Variants in TRDN observed in about 807,000 individuals in gnomAD.
The protein encoded by TRDN is triadin in skeletal muscle.
In TRDN, 161 loss-of-function variants were observed where a neutral mutation model predicts 149.7. The observed-to-expected ratio is 1.08, with a 90% CI of 0.95 to 1.23. TRDN has a LOEUF of 1.23. TRDN is among the 50% of genes most tolerant of loss of function. The probability of loss-of-function intolerance (pLI) is 0.00; values close to 1 mark genes in which losing one functional copy is unlikely to be tolerated. For synonymous variants in TRDN, 294 were observed against 250.5 expected, an observed-to-expected ratio of 1.17 and a Z score of -1.64; for missense variants, 896 against 823.5, an observed-to-expected ratio of 1.09 and a Z score of -1.08.
rs1562265333 is a variant in TRDN, at chr6:123,331,868, T to C, written c.1471+11A>G. Reference sequence around the variant, plus strand: ...ATCAATGTGGCTTCACATTTCATTGTATAATATTACCTTTTTCCTTTAGGG... The same window carrying C: ...ATCAATGTGGCTTCACATTTCATTGCATAATATTACCTTTTTCCTTTAGGG... On this transcript the variant is annotated intron_variant, in intron 23 of 40. Coordinates refer to ENST00000334268, the MANE Select transcript of TRDN (RefSeq NM_006073.4). The C allele has an allele frequency of 1.3e-6, 2 of 1,523,516 alleles. No individual in the cohort carries two copies. Among genetic ancestry groups the C allele is most frequent in the Non-Finnish European group, 1.8e-6 (2 of 1,129,700 alleles). 94.4% of individuals were successfully genotyped at this position (1,523,516 alleles called of 1,614,324 possible).
chr6:123,298,017 T>C (rs1257656512), intron 24 of TRDN, among the ~76,000 whole-genome samples: 1 of 152,052 alleles, frequency 6.6e-6, no homozygotes, highest in Non-Finnish European at 1.5e-5. Flanking sequence ...AACTTCATCA[T>C]AGGCTTGAAA....
At chr6:123,528,136 T>C (rs12199935) in intron 5 of TRDN, among the ~76,000 whole-genome samples, 66,743 of 151,812 alleles carry the variant, frequency 0.44, 15,095 homozygotes, top group Admixed American at 0.52. Context: ...TGGTTGCCTA[T>C]AAAAGTATCT....
chr6:123,279,322 C>T (rs778328155), intron 24 of TRDN, among the ~76,000 whole-genome samples: 2 of 152,042 alleles, frequency 1.3e-5, no homozygotes, highest in Non-Finnish European at 2.9e-5. Context: ...GCCATATAGT[C>T]TCTCACAATT....
chr6:123,278,440 C>G (rs1041242343), intron 25 of TRDN, 93 bp from the exon 26 acceptor site: 2 of 799,822 alleles, frequency 2.5e-6, no homozygotes, highest in Admixed American at 9.4e-5. Flanking sequence ...TAATTATTTT[C>G]TATGTTATTC....
chr6:123,405,531 T>C (rs939929470), intron 12 of TRDN, among the ~76,000 whole-genome samples: 1 of 152,218 alleles, frequency 6.6e-6, no homozygotes, highest in Non-Finnish European at 1.5e-5. Context: ...TTCTGTGGAT[T>C]ACATTTTTGA....
chr6:123,391,347 A>C (rs1782106800), intron 13 of TRDN, among the ~76,000 whole-genome samples: 1 of 152,076 alleles, frequency 6.6e-6, no homozygotes, highest in Non-Finnish European at 1.5e-5. Flanking sequence ...CCCAGTTTCC[A>C]AAGCTCAGTA....
intron 24 of TRDN, among the ~76,000 whole-genome samples, chr6:123,316,040 T>C (rs2114698667): frequency 6.6e-6 from 1 of 152,030 alleles, no homozygotes; most frequent in African/African-American, 2.4e-5. Context: ...ATCAAAATGG[T>C]TGAAAGTAGG....
chr6:123,244,082 A>G (rs1776087837), intron 38 of TRDN, among the ~76,000 whole-genome samples: 1 of 152,194 alleles, frequency 6.6e-6, no homozygotes, highest in African/African-American at 2.4e-5. Context: ...CAAAAACCCC[A>G]TCCAAAGGTC....
rs1022708697 is a variant in TRDN, at chr6:123,230,909, T to G, written c.1976-6778A>C. Among the ~76,000 whole-genome samples the G allele has an allele frequency of 4.6e-5, 7 of 152,154 alleles. No individual in the cohort carries two copies. In the East Asian group the frequency reaches 1.4e-3, roughly 30 times the overall value. ...AGAACTACAATGAGATATTTTTCTGTGCCAGGTATGCTACTAGGTACTAGA... is the reference window on the plus strand; with the variant it reads ...AGAACTACAATGAGATATTTTTCTGGGCCAGGTATGCTACTAGGTACTAGA... On this transcript the variant is annotated intron_variant, in intron 38 of 40. Coordinates refer to ENST00000334268, the MANE Select transcript of TRDN (RefSeq NM_006073.4).
rs76793031 is a variant in TRDN at position 123,322,174 on chromosome 6, G to A, written c.1472-5679C>T. Among the ~76,000 whole-genome samples, 729 of 152,236 alleles carry A rather than the reference G, an allele frequency of 4.8e-3. 9 individuals carry two copies. Among genetic ancestry groups the A allele is most frequent in the African/African-American group, 0.017 (689 of 41,546 alleles). On this transcript the variant is annotated intron_variant, in intron 23 of 40. Transcript: ENST00000334268. ...TTAGTATCATCTTTGCTCATGAACT[G>A]AGGAATCCTTCCATGCATAATGAAG...
intron 24 of TRDN, among the ~76,000 whole-genome samples, chr6:123,304,863 A>G (rs1446890180): frequency 6.6e-6 from 1 of 152,180 alleles, no homozygotes; most frequent in Non-Finnish European, 1.5e-5. Flanking sequence ...TATTTAAAAT[A>G]TTATTGATCC....
intron 38 of TRDN, among the ~76,000 whole-genome samples, chr6:123,246,749 C>A (rs1398336007): frequency 6.6e-6 from 1 of 151,378 alleles, no homozygotes. Context: ...AGGTATAAGG[C>A]CAGCATCATC....
chr6:123,355,172 AAT>A (rs1489765110), intron 20 of TRDN, among the ~76,000 whole-genome samples: 1 of 151,342 alleles, frequency 6.6e-6, no homozygotes, highest in African/African-American at 2.4e-5. Flanking sequence ...AGTCTTTTTA[AAT>A]ATATATATAC....
chr6:123,301,520 T>A (rs1321338118), intron 24 of TRDN, among the ~76,000 whole-genome samples: 1 of 151,638 alleles, frequency 6.6e-6, no homozygotes, highest in Non-Finnish European at 1.5e-5. Flanking sequence ...TGATTTTACA[T>A]TATGAAATCA....
At chr6:123,307,273 T>G (rs1475241603) in intron 24 of TRDN, among the ~76,000 whole-genome samples, 1 of 152,060 alleles carries the variant, frequency 6.6e-6, no homozygotes, top group Non-Finnish European at 1.5e-5. Context: ...GGAAATTTTT[T>G]CTTCCTCTTA....
At chr6:123,297,669 A>G (rs1778251779) in intron 24 of TRDN, among the ~76,000 whole-genome samples, 1 of 152,022 alleles carries the variant, frequency 6.6e-6, no homozygotes, top group South Asian at 2.1e-4. Context: ...CAGAAATAAG[A>G]TTTGGTTGAA....
intron 12 of TRDN, among the ~76,000 whole-genome samples, chr6:123,431,593 G>GAA (rs1232628747): frequency 6.6e-6 from 1 of 151,998 alleles, no homozygotes; most frequent in Non-Finnish European, 1.5e-5. Flanking sequence ...TGGGTGATCA[G>GAA]AAAAAAAGCT....
chr6:123,485,854 T>C (rs887127169), intron 9 of TRDN, among the ~76,000 whole-genome samples: 1 of 152,148 alleles, frequency 6.6e-6, no homozygotes, highest in Non-Finnish European at 1.5e-5. Flanking sequence ...CTAATTATTC[T>C]ATTTAATTTT....
intron 39 of TRDN, among the ~76,000 whole-genome samples, chr6:123,223,819 T>G (rs1002614165): frequency 1.3e-5 from 2 of 151,618 alleles, no homozygotes; most frequent in Non-Finnish European, 3.0e-5. Flanking sequence ...GAATAGTGAT[T>G]TTGAAGTATT....
Sources: allele counts gnomAD v4.1 joint callset (sites outside exome capture counted in the v4.1 genomes callset), GRCh38; gene constraint gnomAD v4.1.1; transcripts MANE v1.5; gene names NCBI Gene and HGNC (gene_info 2026-07-23, HGNC 2026-07-21).